The following TUT7 variants were observed in gnomAD, a reference collection of about 807,000 sequenced individuals.
The protein encoded by TUT7 is terminal uridylyltransferase 7.
In TUT7, 33 loss-of-function variants were observed where a neutral mutation model predicts 165.9. That is an observed-to-expected ratio of 0.20 (90% confidence interval 0.15 to 0.27). TUT7 has a LOEUF of 0.27. Ranked by LOEUF, TUT7 falls within the 10% of genes least tolerant of loss-of-function variation. The pLI is 1.00. For missense variants in TUT7, 1,338 were observed against 1,762.3 expected (o/e 0.76, Z 4.31); for synonymous variants, 552 against 608.1 (o/e 0.91, Z 1.36).
chr9:86,341,725 T>G (rs1195756093), intron 6 of TUT7, among the ~76,000 whole-genome samples: 4 of 152,166 alleles, frequency 2.6e-5, no homozygotes, highest in Non-Finnish European at 5.9e-5. Context: ...TGAAACTCTT[T>G]TCCCTCCCGT....
chr9:86,292,594 A>G (rs1321424467), intron 26 of TUT7, among the ~76,000 whole-genome samples: 1 of 150,444 alleles, frequency 6.6e-6, no homozygotes, highest in East Asian at 2.0e-4. Flanking sequence ...TACCTCAGTG[A>G]CAGGTCTTTT....
chr9:86,340,136 G>A, intron 7 of TUT7, 31 bp from the exon 8 acceptor site: 2 of 1,576,036 alleles, frequency 1.3e-6, no homozygotes, highest in Non-Finnish European at 1.7e-6. Flanking sequence ...ATATTAAGTT[G>A]GTTAATTAAA....
At chr9:86,300,097 GA>G (rs1826740601) in intron 26 of TUT7, among the ~76,000 whole-genome samples, 1 of 152,100 alleles carries the variant, frequency 6.6e-6, no homozygotes, top group Non-Finnish European at 1.5e-5. Flanking sequence ...AACAACAAAA[GA>G]AAATCACTTT....
At chr9:86,300,891 C>T (rs1391343135) in intron 26 of TUT7, among the ~76,000 whole-genome samples, 1 of 152,188 alleles carries the variant, frequency 6.6e-6, no homozygotes, top group Non-Finnish European at 1.5e-5. Flanking sequence ...GCATGGTGTC[C>T]TGAGATAACT....
chr9:86,352,962 TA>T lies in TUT7; in HGVS notation c.237del (p.Phe79LeufsTer12). 6.2e-7 allele frequency: 1 copy of T among 1,614,242 alleles called. No homozygotes were observed. The highest frequency in any genetic ancestry group is 8.5e-7 in the Non-Finnish European group (1 of 1,180,038). ...PCAVSSNPYA[F>X]KNPIYSQPAW... ...GCGGGTTGACTGTAGATTGGGTTTT[TA>T]AATGCATATGGATTGCTGGAAACAG... On this transcript the variant is annotated frameshift_variant, in exon 2 of 27. Coordinates refer to ENST00000375963, the MANE Select transcript of TUT7 (RefSeq NM_024617.4). LOFTEE classifies it high-confidence loss of function.
At position 86,311,795 on chromosome 9, in the gene TUT7, T is replaced by C. The variant is rs1828106178; in HGVS notation, c.3275-986A>G. Among the ~76,000 whole-genome samples, 1 of 152,204 alleles carries C rather than the reference T, an allele frequency of 6.6e-6. No individual in the cohort carries two copies. The highest frequency in any genetic ancestry group is 1.5e-5 in the Non-Finnish European group (1 of 68,032). On this transcript the variant is annotated intron_variant, in intron 17 of 26. Coordinates refer to ENST00000375963, the MANE Select transcript of TUT7 (RefSeq NM_024617.4). This position sits in a 1 kb window ranked among gnomAD's most constrained non-coding sequence, Gnocchi z 4.4. ...CCGCCACGCCTGACTGGTTTTCGTA[T>C]TTTTTTGGTGGAGACGGGGTTTCGC...
Position 86,338,959 on chromosome 9 carries a change from G to C in TUT7, c.1209-10C>G, listed in dbSNP as rs376277171. 1 of 1,567,366 alleles carries C rather than the reference G, an allele frequency of 6.4e-7. No individual in the cohort carries two copies. The highest frequency in any genetic ancestry group is 8.7e-7 in the Non-Finnish European group (1 of 1,155,074). ...TTTACACAGAAGACCACTGGTGAGAGGTGGGGGAGGAGGATGGGAAAGAAA... is the reference window on the plus strand; with the variant it reads ...TTTACACAGAAGACCACTGGTGAGACGTGGGGGAGGAGGATGGGAAAGAAA... On this transcript the variant is annotated splice_polypyrimidine_tract_variant and intron_variant, in intron 8 of 26. Coordinates refer to ENST00000375963, the MANE Select transcript of TUT7 (RefSeq NM_024617.4).
At chr9:86,312,229 G>A (rs568469134) in intron 17 of TUT7, among the ~76,000 whole-genome samples, 2 of 151,290 alleles carry the variant, frequency 1.3e-5, no homozygotes, top group Non-Finnish European at 2.9e-5. Context: ...GTCTCTGCCC[G>A]GCCACCCATC....
chr9:86,352,464 T>A, intron 2 of TUT7: 3 of 628,288 alleles, frequency 4.8e-6, no homozygotes, highest in Non-Finnish European at 5.5e-6. Flanking sequence ...TGGGGCAAAG[T>A]AAACTTTTAA....
chr9:86,301,361 G>A lies in TUT7; in HGVS notation c.4335C>T (p.Asp1445=). ...AACAACGTTTTTCTCTTAAGTCTTT[G>A]TCATCCTGTCTCTTCCATTTTTCTA... The part of the protein sequence containing the change: ...PPVEKWKRQD[D]KDLREKRCFI... The change falls in exon 26 of 27, where the codon GAC becomes GAT. Residue 1445 remains aspartate, a synonymous_variant. Coordinates refer to ENST00000375963, the MANE Select transcript of TUT7 (RefSeq NM_024617.4). 6.2e-7 allele frequency: 1 copy of A among 1,614,030 alleles called. No individual in the cohort carries two copies. Among genetic ancestry groups the A allele is most frequent in the Non-Finnish European group, 8.5e-7 (1 of 1,180,010 alleles).
At chr9:86,316,387 A>T (rs1828722731) in intron 17 of TUT7, among the ~76,000 whole-genome samples, 1 of 152,188 alleles carries the variant, frequency 6.6e-6, no homozygotes, top group Non-Finnish European at 1.5e-5. Flanking sequence ...ACTTGAGCCC[A>T]GGAGTTCAGA....
rs373502743 is a variant in TUT7 at position 86,307,359 on chromosome 9, A to G, written c.3838+1070T>C. 1.2e-3 allele frequency among the ~76,000 whole-genome samples: 190 copies of G among 152,348 alleles called. 9 individuals carry two copies. The South Asian group carries it at 0.039, about 31-fold the overall frequency. On this transcript the variant is annotated intron_variant, in intron 22 of 26. Transcript: ENST00000375963. ...AAAGGCGTAGTAAGTCAAAAATTCTATGTGTTTGACACATGAGATCTTTAA... is the reference window on the plus strand; with the variant it reads ...AAAGGCGTAGTAAGTCAAAAATTCTGTGTGTTTGACACATGAGATCTTTAA...
chr9:86,316,248 C>T (rs1482973780), intron 17 of TUT7, among the ~76,000 whole-genome samples: 1 of 152,158 alleles, frequency 6.6e-6, no homozygotes, highest in Non-Finnish European at 1.5e-5. Context: ...AAAATCTATA[C>T]ATTTTATAGC....
At chr9:86,306,267 C>T (rs1248065073) in intron 22 of TUT7, among the ~76,000 whole-genome samples, 1 of 152,148 alleles carries the variant, frequency 6.6e-6, no homozygotes, top group African/African-American at 2.4e-5. Flanking sequence ...GTGGCATCTT[C>T]CACTTGCCAG....
chr9:86,288,818 C>A, intron 26 of TUT7, 74 bp from the exon 27 acceptor site: 1 of 1,232,062 alleles, frequency 8.1e-7, no homozygotes, highest in Non-Finnish European at 1.2e-6. Context: ...CATAAAATTA[C>A]TTCTTATTAA....
chr9:86,351,849 T>C (rs1056235284), intron 2 of TUT7, among the ~76,000 whole-genome samples: 2 of 152,222 alleles, frequency 1.3e-5, no homozygotes, highest in African/African-American at 4.8e-5. Context: ...CCAACTGTGA[T>C]ATTGTTTCAT....
chr9:86,345,321 A>C (rs1373447208), intron 4 of TUT7, among the ~76,000 whole-genome samples, 167 bp from the exon 5 acceptor site: 1 of 152,198 alleles, frequency 6.6e-6, no homozygotes, highest in South Asian at 2.1e-4. Context: ...CCTTATGCAC[A>C]TAATGTGGAT....
At position 86,346,423 on chromosome 9, in the gene TUT7, T is replaced by C; in HGVS notation, c.578A>G (p.Asn193Ser). ...GCCTTCCAAGTCTCCATCCTGCTCA[T>C]TTTCCTCATTTCTAGTCTTCCGTGG... ...RKPRKTRNEENEQDGDLEGPV... is the reference protein window; with the variant it reads ...RKPRKTRNEESEQDGDLEGPV... The change falls in exon 3 of 27, where the codon AAT becomes AGT. Residue 193 changes from asparagine (N) to serine (S), a missense_variant. Coordinates refer to ENST00000375963, the MANE Select transcript of TUT7 (RefSeq NM_024617.4). 1 of 1,614,112 alleles carries C rather than the reference T, an allele frequency of 6.2e-7. No homozygotes were observed. Among genetic ancestry groups the C allele is most frequent in the Non-Finnish European group, 8.5e-7 (1 of 1,179,974 alleles).
intron 2 of TUT7, among the ~76,000 whole-genome samples, chr9:86,350,512 G>A (rs574450884): frequency 3.3e-5 from 5 of 152,194 alleles, no homozygotes; most frequent in South Asian, 2.1e-4. Flanking sequence ...AGAAATATTC[G>A]GCTCCGCCGT....
Sources: gnomAD v4.1 joint callset for allele counts (sites outside exome capture counted in the v4.1 genomes callset) on GRCh38, gnomAD v4.1.1 for gene constraint, Gnocchi (gnomAD v3.1) non-coding constraint, MANE v1.5 for transcripts, NCBI Gene and HGNC (gene_info 2026-07-23, HGNC 2026-07-21) for gene names.